SYN3: variants seen among roughly 807,000 people sequenced by gnomAD.
SYN3 encodes the protein synapsin III.
SYN3 carries 35 observed loss-of-function variants against 65.8 expected under a neutral mutation model. That is an observed-to-expected ratio of 0.53 (90% CI 0.41 to 0.70). The LOEUF (loss-of-function observed/expected upper bound fraction) is 0.70, where lower values mean the gene tolerates loss of function less well. Ranked by LOEUF, SYN3 falls within the 30% of genes least tolerant of loss-of-function variation. SYN3 has a pLI of 0.00. For missense variants in SYN3, 680 were observed against 749.0 expected (o/e 0.91, Z 1.08); for synonymous variants, 270 against 292.9 (o/e 0.92, Z 0.80).
chr22:32,872,940 T>C (rs1415196618), intron 4 of SYN3, among the ~76,000 whole-genome samples: 1 of 148,654 alleles, frequency 6.7e-6, no homozygotes, highest in Non-Finnish European at 1.5e-5. Flanking sequence ...TAAGCACTTT[T>C]TTTTTTTTTT....
At chr22:32,869,602 G>A (rs761290903) in intron 4 of SYN3, among the ~76,000 whole-genome samples, 3 of 151,538 alleles carry the variant, frequency 2.0e-5, no homozygotes, top group South Asian at 2.1e-4. Flanking sequence ...AAAAAGATAC[G>A]CTGCAGAGAG....
At chr22:32,880,699 A>G (rs137500) in intron 4 of SYN3, among the ~76,000 whole-genome samples, 85,417 of 151,966 alleles carry the variant, frequency 0.56, 24,757 homozygotes, top group African/African-American at 0.64. Flanking sequence ...CAGCATTTAC[A>G]CTCCACTATT....
At chr22:33,048,622 T>C (rs2054108033) in intron 1 of SYN3, among the ~76,000 whole-genome samples, 1 of 152,182 alleles carries the variant, frequency 6.6e-6, no homozygotes, top group Non-Finnish European at 1.5e-5. Flanking sequence ...CCATGTGATA[T>C]GCCTGTTACC....
intron 6 of SYN3, among the ~76,000 whole-genome samples, chr22:32,772,608 T>C (rs538913757): frequency 6.6e-6 from 1 of 152,340 alleles, no homozygotes; most frequent in African/African-American, 2.4e-5. Flanking sequence ...TTAAGAATTT[T>C]GAGATGAGGA....
chr22:32,894,890 A>G (rs1387205283), intron 4 of SYN3, among the ~76,000 whole-genome samples: 3 of 152,232 alleles, frequency 2.0e-5, no homozygotes, highest in African/African-American at 7.2e-5. Context: ...AGGAGTTGTG[A>G]GTAGGAGGAT....
intron 4 of SYN3, among the ~76,000 whole-genome samples, chr22:32,914,129 G>T (rs1246437593): frequency 6.6e-6 from 1 of 152,192 alleles, no homozygotes; most frequent in Non-Finnish European, 1.5e-5. Flanking sequence ...TCGTTAACTT[G>T]TCCAATGTAA....
chr22:32,997,583 G>C (rs1035924144), intron 2 of SYN3, among the ~76,000 whole-genome samples: 1 of 151,986 alleles, frequency 6.6e-6, no homozygotes, highest in Admixed American at 6.6e-5. Flanking sequence ...CCTGCTCCTC[G>C]GCAAATGCTT....
chr22:32,935,032 C>T (rs1250246071), intron 3 of SYN3, among the ~76,000 whole-genome samples: 1 of 152,140 alleles, frequency 6.6e-6, no homozygotes, highest in Admixed American at 6.5e-5. Context: ...TCTGCTGAAA[C>T]CTTGATTTGG....
At chr22:33,016,680 CTGTT>C (rs1416665921) in intron 1 of SYN3, among the ~76,000 whole-genome samples, 1 of 152,082 alleles carries the variant, frequency 6.6e-6, no homozygotes, top group Non-Finnish European at 1.5e-5. Context: ...TTTCATATAT[CTGTT>C]AGCCACTTGT....
At chr22:32,603,537 G>GA (rs1259399396) in intron 6 of SYN3, among the ~76,000 whole-genome samples, 11,062 of 124,696 alleles carry the variant, frequency 0.089, 1,361 homozygotes, top group African/African-American at 0.27. Context: ...CAAAAAAAAA[G>GA]AAAAAAAAAA....
chr22:32,787,442 A>T (rs1416531333), intron 6 of SYN3, among the ~76,000 whole-genome samples: 1 of 152,232 alleles, frequency 6.6e-6, no homozygotes, highest in Non-Finnish European at 1.5e-5. Context: ...CCTCAGTGAC[A>T]TCGCTTCCTA....
intron 4 of SYN3, among the ~76,000 whole-genome samples, chr22:32,907,144 T>C (rs1569317757): frequency 6.6e-6 from 1 of 152,236 alleles, no homozygotes; most frequent in Non-Finnish European, 1.5e-5. Flanking sequence ...GATATATTTA[T>C]ATCTATTGTG....
intron 2 of SYN3, among the ~76,000 whole-genome samples, chr22:33,002,015 G>A (rs1012952874): frequency 6.6e-6 from 1 of 152,182 alleles, no homozygotes; most frequent in African/African-American, 2.4e-5. Context: ...AACTTCAAGG[G>A]CCATGCAGGC....
At chr22:32,703,918 T>A (rs2060844700) in intron 6 of SYN3, among the ~76,000 whole-genome samples, 1 of 152,188 alleles carries the variant, frequency 6.6e-6, no homozygotes, top group South Asian at 2.1e-4. Flanking sequence ...TAATTACACT[T>A]AACTAATGTA....
rs1355532946 is a variant in SYN3, at chr22:32,510,391, CTT to C, written c.*3299_*3300del. Among the ~76,000 whole-genome samples, 1 of 152,190 alleles carries C rather than the reference CTT, an allele frequency of 6.6e-6. No homozygotes were observed. Among genetic ancestry groups the C allele is most frequent in the Non-Finnish European group, 1.5e-5 (1 of 68,028 alleles). On this transcript the variant is annotated 3_prime_UTR_variant, in exon 14 of 14. Transcript: ENST00000358763. ...TGGCCGTGGCCCACAGGTTGAGAAA[CTT>C]TGTCCAGCCTATTACCATTCAGTTG...
At chr22:32,773,709 G>A (rs1038459050) in intron 6 of SYN3, among the ~76,000 whole-genome samples, 1 of 152,220 alleles carries the variant, frequency 6.6e-6, no homozygotes, top group Non-Finnish European at 1.5e-5. Flanking sequence ...GCTGGGCCTT[G>A]AGGACAGTGT....
intron 6 of SYN3, among the ~76,000 whole-genome samples, chr22:32,789,356 C>T (rs2046268476): frequency 6.6e-6 from 1 of 152,098 alleles, no homozygotes; most frequent in South Asian, 2.1e-4. Context: ...AAAAGCAGTT[C>T]CAGCCACCTT....
chr22:32,707,839 C>G (rs2060900938), intron 6 of SYN3, among the ~76,000 whole-genome samples: 1 of 152,188 alleles, frequency 6.6e-6, no homozygotes, highest in Non-Finnish European at 1.5e-5. Flanking sequence ...CATAAGGGCT[C>G]CTGGGCTGTT....
intron 6 of SYN3, among the ~76,000 whole-genome samples, chr22:32,649,100 G>C (rs1007869775): frequency 2.0e-5 from 3 of 152,212 alleles, no homozygotes; most frequent in African/African-American, 7.2e-5. Context: ...ACTAGAGGCG[G>C]AGTATACTTC....
Sources: gnomAD v4.1 joint callset for allele counts (sites outside exome capture counted in the v4.1 genomes callset) on GRCh38, gnomAD v4.1.1 for gene constraint, MANE v1.5 for transcripts, NCBI Gene and HGNC (gene_info 2026-07-23, HGNC 2026-07-21) for gene names.